ITGA2: variants seen among roughly 807,000 people sequenced by gnomAD.
ITGA2 encodes the protein integrin subunit alpha 2.
A neutral mutation model predicts 146.3 loss-of-function variants in ITGA2; 101 were observed. The ratio of observed to expected loss-of-function variants is 0.69; its 90% CI spans 0.59 to 0.81. The LOEUF (loss-of-function observed/expected upper bound fraction) is 0.81, where lower values mean the gene tolerates loss of function less well. Among genes scored for constraint, ITGA2 ranks in the 40% least tolerant of loss-of-function variants. The pLI, the probability that ITGA2 is intolerant of heterozygous loss-of-function variation, is 0.00. For synonymous variants in ITGA2, 477 were observed against 487.1 expected (o/e 0.98, Z 0.27); for missense variants, 1,281 against 1,402.7 (o/e 0.91, Z 1.39).
intron 2 of ITGA2, among the ~76,000 whole-genome samples, chr5:53,038,956 A>G (rs1743642159): frequency 6.6e-6 from 1 of 152,260 alleles, no homozygotes; most frequent in South Asian, 2.1e-4. Flanking sequence ...AGCTGGGCAT[A>G]GTGGTACATG....
intron 15 of ITGA2, 125 bp downstream of exon 15, chr5:53,066,102 T>TTATGATA: frequency 1.1e-6 from 1 of 927,326 alleles, no homozygotes; most frequent in Admixed American, 1.8e-5. Context: ...AATCGATGTA[T>TTATGATA]CATAGTTTGC....
At position 53,075,129 on chromosome 5, in the gene ITGA2, A is replaced by T; in HGVS notation, c.2733A>T (p.Gln911His). Residue 911 changes from glutamine (Q) to histidine (H), a missense_variant, in exon 22 of 30, where the codon CAA becomes CAT. Gln to His is a conservative substitution (Grantham distance 24). Around this residue, in one of 3 missense-constraint regions of ITGA2, gnomAD observed 475 missense variants for 530.5 expected, o/e 0.90. Transcript: ENST00000296585. ...NLQNQASLSF[Q>H]ALSESQEENK... ...AGAATCAGGCGTCTCTCAGTTTCCA[A>T]GCCTTAAGGTAAAACATAATGAAGT... is the stretch of plus-strand genomic sequence containing the variant. 2 of 1,611,612 alleles carry T rather than the reference A, an allele frequency of 1.2e-6. No homozygotes were observed. Among genetic ancestry groups the T allele is most frequent in the Non-Finnish European group, 1.7e-6 (2 of 1,178,290 alleles).
At position 53,000,859 on chromosome 5, in the gene ITGA2, T is replaced by C. The variant is rs557629324; in HGVS notation, c.64+11327T>C. On this transcript the variant is annotated intron_variant, in intron 1 of 29. Transcript: ENST00000296585. ...TTGTTTGAGGCTTGGGTGATATTTT[T>C]CTACATAAAGCATTTTCTTTTTTTT... is the stretch of plus-strand genomic sequence containing the variant. Among the ~76,000 whole-genome samples the C allele has an allele frequency of 2.0e-5, 3 of 151,858 alleles. No individual in the cohort carries two copies. In the East Asian group the frequency reaches 5.8e-4, roughly 29 times the overall value.
intron 2 of ITGA2, among the ~76,000 whole-genome samples, chr5:53,040,125 A>G (rs1743715314): frequency 6.6e-6 from 1 of 152,206 alleles, no homozygotes; most frequent in Non-Finnish European, 1.5e-5. Flanking sequence ...ATTGCCAGGC[A>G]AGAAACAGCA....
At chr5:53,057,525 A>T (rs973950872) in intron 9 of ITGA2, among the ~76,000 whole-genome samples, 10 of 151,972 alleles carry the variant, frequency 6.6e-5, no homozygotes, top group African/African-American at 2.4e-4. Context: ...TCTGATTCCT[A>T]ATAGCTAACT....
In ITGA2 at chr5:53,083,475, T is replaced by C. The variant is rs375048021; in HGVS notation, c.3258+22T>C. 1.5e-5 allele frequency: 20 copies of C among 1,350,606 alleles called. No individual in the cohort carries two copies. In the African/African-American group the frequency reaches 2.9e-4, roughly 19 times the overall value. 83.7% of individuals were successfully genotyped at this position (1,350,606 alleles called of 1,614,324 possible). A position where few individuals can be genotyped will look rare whatever the true frequency, so the allele number is the denominator to read the frequency against. ...ATCAGTAAGTATCAGTTTTATTTGT[T>C]AGATTTATCAATAGCAAGGAAACAT... On this transcript the variant is annotated intron_variant, in intron 27 of 29. Transcript: ENST00000296585.
chr5:53,036,265 C>T (rs1338714480), intron 2 of ITGA2, among the ~76,000 whole-genome samples: 1 of 152,150 alleles, frequency 6.6e-6, no homozygotes, highest in Non-Finnish European at 1.5e-5. Context: ...CAATGATTCC[C>T]AACAGTGTGG....
chr5:52,990,533 A>G (rs1288002981), intron 1 of ITGA2, among the ~76,000 whole-genome samples: 1 of 151,646 alleles, frequency 6.6e-6, no homozygotes, highest in East Asian at 1.9e-4. Flanking sequence ...AAAACAAAAC[A>G]AAAAAGTTGT....
intron 2 of ITGA2, among the ~76,000 whole-genome samples, chr5:53,029,687 G>C (rs1294219882): frequency 1.3e-5 from 2 of 152,092 alleles, no homozygotes; most frequent in Non-Finnish European, 2.9e-5. Context: ...CTCATTATCT[G>C]TCTCCTGCCA....
intron 1 of ITGA2, among the ~76,000 whole-genome samples, chr5:53,018,353 T>G (rs1271408356): frequency 2.0e-5 from 3 of 151,738 alleles, no homozygotes; most frequent in South Asian, 2.1e-4. Context: ...TCCGTGGGGG[T>G]CGTGAGTTCC....
chr5:53,091,634 C>T lies in ITGA2; in HGVS notation c.*1035C>T, dbSNP rs1740426771. 6.6e-6 allele frequency: 1 copy of T among 152,200 alleles called. No homozygotes were observed. The highest frequency in any genetic ancestry group is 2.4e-5 in the African/African-American group (1 of 41,422). 9.4% of individuals were successfully genotyped at this position (152,200 alleles called of 1,614,324 possible). On this transcript the variant is annotated 3_prime_UTR_variant, in exon 30 of 30. Transcript: ENST00000296585. ...GTCCAAAGTTATCCCCTCCTTTACC[C>T]CTCATCCAAAGTTCCCACTCCTTCA... is the stretch of plus-strand genomic sequence containing the variant.
intron 2 of ITGA2, among the ~76,000 whole-genome samples, chr5:53,037,359 T>C (rs1362948302): frequency 6.6e-6 from 1 of 152,234 alleles, no homozygotes; most frequent in African/African-American, 2.4e-5. Flanking sequence ...TTCATGCAAC[T>C]CTTTTGTCTG....
chr5:53,080,771 T>C (rs1018046359), intron 25 of ITGA2, 150 bp downstream of exon 25: 13 of 664,548 alleles, frequency 2.0e-5, no homozygotes, highest in Non-Finnish European at 3.2e-5. Flanking sequence ...GTTAATTTCA[T>C]ATTAGAAAAA....
intron 2 of ITGA2, among the ~76,000 whole-genome samples, chr5:53,027,526 A>G (rs139671443): frequency 3.8e-4 from 58 of 152,352 alleles, no homozygotes; most frequent in Middle Eastern, 3.4e-3. Flanking sequence ...ATGGAAATCT[A>G]GTTCCCATAA....
In ITGA2 at chr5:53,072,628, G is replaced by T; in HGVS notation, c.2362G>T (p.Asp788Tyr). 1 of 1,610,032 alleles carries T rather than the reference G, an allele frequency of 6.2e-7. No homozygotes were observed. Among genetic ancestry groups the T allele is most frequent in the Non-Finnish European group, 8.5e-7 (1 of 1,178,128 alleles). Reference protein sequence around the residue: ...AKVFSIPFHKDCGEDGLCISD... With the variant: ...AKVFSIPFHKYCGEDGLCISD... ...TTTTTCGTAGATTCCTTTCCACAAA[G>T]ACTGTGGTGAGGACGGACTTTGCAT... Residue 788 changes from aspartate to tyrosine, a missense_variant, in exon 19 of 30, where the codon GAC (aspartate) becomes TAC (tyrosine). Coordinates refer to ENST00000296585, the MANE Select transcript of ITGA2 (RefSeq NM_002203.4).
At chr5:53,047,984 A>G (rs1744170115) in intron 4 of ITGA2, among the ~76,000 whole-genome samples, 1 of 152,210 alleles carries the variant, frequency 6.6e-6, no homozygotes, top group African/African-American at 2.4e-5. Context: ...CATTTTACAG[A>G]TGAATCACCT....
intron 13 of ITGA2, among the ~76,000 whole-genome samples, 159 bp downstream of exon 13, chr5:53,063,088 T>G (rs184977899): frequency 1.7e-4 from 26 of 152,034 alleles, no homozygotes; most frequent in Admixed American, 1.6e-3. Context: ...AAGTTATGAT[T>G]TTAAAAATCA....
At position 53,092,303 on chromosome 5, in the gene ITGA2, A is replaced by AT. The variant is rs963076356; in HGVS notation, c.*1705dup. ...GTGATGCTTTTAGTTTTAAAAGTCT[A>AT]TGATCTGGACTTCCTATAATACAAA... is the stretch of plus-strand genomic sequence containing the variant. On this transcript the variant is annotated 3_prime_UTR_variant, in exon 30 of 30. Transcript: ENST00000296585. The AT allele has an allele frequency of 4.6e-5, 7 of 152,166 alleles. No homozygotes were observed. Among genetic ancestry groups the AT allele is most frequent in the African/African-American group, 1.7e-4 (7 of 41,434 alleles). 9.4% of individuals were successfully genotyped at this position (152,166 alleles called of 1,614,324 possible). A position where few individuals can be genotyped will look rare whatever the true frequency, so the allele number is the denominator to read the frequency against.
At chr5:53,015,344 G>A (rs553346846) in intron 1 of ITGA2, among the ~76,000 whole-genome samples, 14 of 152,068 alleles carry the variant, frequency 9.2e-5, no homozygotes, top group South Asian at 6.2e-4. Flanking sequence ...CCTTAATTTC[G>A]TTGTTTACCC....
Sources: gnomAD v4.1 joint callset for allele counts (sites outside exome capture counted in the v4.1 genomes callset) on GRCh38, gnomAD v4.1.1 for gene constraint, gnomAD v4.1.1 regional missense constraint, MANE v1.5 for transcripts, NCBI Gene and HGNC (gene_info 2026-07-23, HGNC 2026-07-21) for gene names.